TAF3: variants seen among roughly 807,000 people sequenced by gnomAD.
TAF3 encodes the protein transcription initiation factor TFIID subunit 3.
Under a neutral mutation model 80.6 loss-of-function variants are expected in TAF3, and 7 were observed. The ratio of observed to expected loss-of-function variants is 0.09; its 90% CI spans 0.05 to 0.16. The LOEUF (loss-of-function observed/expected upper bound fraction) is 0.16, where lower values mean the gene tolerates loss of function less well. TAF3 is among the 10% of genes least tolerant of loss of function. The pLI is 1.00. For synonymous variants in TAF3, 444 were observed against 446.1 expected (o/e 1.00, Z 0.06); for missense variants, 921 against 1,140.2 (o/e 0.81, Z 2.77).
At chr10:7,840,635 A>T (rs1234452259) in intron 2 of TAF3, among the ~76,000 whole-genome samples, 1 of 151,250 alleles carries the variant, frequency 6.6e-6, no homozygotes, top group African/African-American at 2.4e-5. Flanking sequence ...GTGTGAGGGG[A>T]AGACGGGAAT....
intron 4 of TAF3, among the ~76,000 whole-genome samples, chr10:8,006,224 A>AC (rs1831992222): frequency 1.4e-5 from 2 of 140,658 alleles, no homozygotes; most frequent in South Asian, 2.3e-4. Flanking sequence ...ACACACACAC[A>AC]AATTAGCTGG....
At chr10:7,903,289 T>C (rs1265627732) in intron 2 of TAF3, among the ~76,000 whole-genome samples, 1 of 152,168 alleles carries the variant, frequency 6.6e-6, no homozygotes, top group Non-Finnish European at 1.5e-5. Context: ...ATTTGACAAA[T>C]GAGAGGCCCC....
chr10:7,909,967 C>T (rs1837641579), intron 2 of TAF3, among the ~76,000 whole-genome samples: 1 of 152,146 alleles, frequency 6.6e-6, no homozygotes, highest in South Asian at 2.1e-4. Context: ...CTATGCATAT[C>T]CTCCTGTATA....
chr10:8,010,780 C>A (rs374886161), intron 5 of TAF3, among the ~76,000 whole-genome samples: 2 of 152,040 alleles, frequency 1.3e-5, no homozygotes, highest in Admixed American at 1.3e-4. Context: ...CATGGTGGCA[C>A]GTGCCTGTAA....
At chr10:7,955,402 GA>G (rs776946924) in intron 2 of TAF3, among the ~76,000 whole-genome samples, 2 of 152,204 alleles carry the variant, frequency 1.3e-5, no homozygotes, top group Admixed American at 6.5e-5. Flanking sequence ...CCAATCATAA[GA>G]AGTCTAGCTT....
At chr10:7,842,167 T>TTTTTG (rs1836924062) in intron 2 of TAF3, among the ~76,000 whole-genome samples, 1 of 94,490 alleles carries the variant, frequency 1.1e-5, no homozygotes, top group African/African-American at 3.9e-5. Flanking sequence ...TTTTTTTGTT[T>TTTTTG]TTTTTTTTGT....
chr10:7,944,915 T>G (rs2131399155), intron 2 of TAF3, among the ~76,000 whole-genome samples: 1 of 152,314 alleles, frequency 6.6e-6, no homozygotes, highest in East Asian at 1.9e-4. Flanking sequence ...TTTGTCAAGG[T>G]CATTTAGAGC....
Position 7,979,361 on chromosome 10 carries a change from T to A in TAF3, c.2315+2038T>A, listed in dbSNP as rs200924421. ...TCTGTCTCAAAAAATGAAAAAAAAA[T>A]GAAAAAAAAAAAAAAGGCATTGATA... On this transcript the variant is annotated intron_variant, in intron 4 of 6. Coordinates refer to ENST00000344293, the MANE Select transcript of TAF3 (RefSeq NM_031923.4). Among the ~76,000 whole-genome samples the A allele has an allele frequency of 7.8e-4, 56 of 71,390 alleles. 1 individual carries two copies. The South Asian group carries it at 0.018, about 23-fold the overall frequency. The allele number at this position is 71,390 out of a possible 152,430, so 46.8% of individuals were successfully genotyped here.
chr10:7,989,709 A>G (rs1038310438), intron 4 of TAF3, among the ~76,000 whole-genome samples: 13 of 152,204 alleles, frequency 8.5e-5, no homozygotes, highest in Admixed American at 7.2e-4. Context: ...AATATTTCCC[A>G]TGCTGAATCA....
chr10:7,985,200 A>G (rs767252814), intron 4 of TAF3, among the ~76,000 whole-genome samples: 22 of 152,164 alleles, frequency 1.4e-4, no homozygotes, highest in Admixed American at 3.9e-4. Flanking sequence ...CTGCCTCGCC[A>G]TGTTACCCCA....
Position 8,009,838 on chromosome 10 carries a change from C to T in TAF3, c.2568+508C>T, listed in dbSNP as rs1269638201. On this transcript the variant is annotated intron_variant, in intron 5 of 6. Transcript: ENST00000344293. The surrounding 1 kb of genome is among the most constrained non-coding windows in gnomAD (Gnocchi z 4.1). ...GTTTCACCGTGTTAGCCAGGCTGGT[C>T]TCAAACTCCTGACCTAAGGTGATCC... Among the ~76,000 whole-genome samples the T allele has an allele frequency of 6.6e-6, 1 of 151,986 alleles. No individual in the cohort carries two copies. The highest frequency in any genetic ancestry group is 2.4e-5 in the African/African-American group (1 of 41,378).
At chr10:7,974,683 A>G (rs1323237003) in intron 3 of TAF3, among the ~76,000 whole-genome samples, 1 of 152,112 alleles carries the variant, frequency 6.6e-6, no homozygotes, top group African/African-American at 2.4e-5. Context: ...GAAGTGAGAA[A>G]ACAGACAATG....
intron 4 of TAF3, among the ~76,000 whole-genome samples, chr10:7,985,679 C>T (rs375572717): frequency 1.8e-4 from 28 of 152,162 alleles, no homozygotes; most frequent in East Asian, 5.8e-4. Flanking sequence ...TGTACAAACC[C>T]GGTCTGCCGT....
At chr10:7,973,287 G>T (rs1831638120) in intron 3 of TAF3, among the ~76,000 whole-genome samples, 1 of 152,164 alleles carries the variant, frequency 6.6e-6, no homozygotes, top group African/African-American at 2.4e-5. Flanking sequence ...TTTTTTAAAG[G>T]TAGGTCAAAC....
chr10:7,827,980 A>C lies in TAF3; in HGVS notation c.409+3420A>C, dbSNP rs141425092. Among the ~76,000 whole-genome samples, 51 of 152,216 alleles carry C rather than the reference A, an allele frequency of 3.4e-4. 1 individual carries two copies. Among genetic ancestry groups the C allele is most frequent in the Middle Eastern group, 6.8e-3 (2 of 292 alleles). Reference sequence around the variant, plus strand: ...AAAAAAAATAAAACACATGACAGCGAATATTAGTTCTCGTCCCCTTTTTCT... The same window carrying C: ...AAAAAAAATAAAACACATGACAGCGCATATTAGTTCTCGTCCCCTTTTTCT... On this transcript the variant is annotated intron_variant, in intron 2 of 6. Coordinates refer to ENST00000344293, the MANE Select transcript of TAF3 (RefSeq NM_031923.4).
chr10:7,843,402 C>G (rs375399735), intron 2 of TAF3, among the ~76,000 whole-genome samples: 6 of 152,086 alleles, frequency 3.9e-5, no homozygotes, highest in East Asian at 3.9e-4. Flanking sequence ...AGCCACCGTT[C>G]CCAGCTTACA....
At chr10:7,959,048 G>A (rs1046801846) in intron 2 of TAF3, among the ~76,000 whole-genome samples, 3 of 152,018 alleles carry the variant, frequency 2.0e-5, no homozygotes, top group African/African-American at 7.2e-5. Context: ...GCTGAGGCAG[G>A]AGAATGCCGT....
At chr10:8,012,775 C>A (rs967703879) in intron 5 of TAF3, among the ~76,000 whole-genome samples, 1 of 152,156 alleles carries the variant, frequency 6.6e-6, no homozygotes, top group Admixed American at 6.5e-5. Context: ...TATGGACCCC[C>A]AATGCACCTG....
chr10:7,964,583 A>G lies in TAF3; in HGVS notation c.1073A>G (p.Gln358Arg), dbSNP rs748712030. The G allele has an allele frequency of 3.1e-6, 5 of 1,614,146 alleles. No homozygotes were observed. The highest frequency in any genetic ancestry group is 1.7e-5 in the Admixed American group (1 of 60,020). Residue 358 changes from glutamine to arginine, a missense_variant, in exon 3 of 7, where the codon CAG becomes CGG. Physicochemically the swap from Gln to Arg is conservative, Grantham distance 43. Transcript: ENST00000344293. The surrounding 1 kb of genome is among the most constrained non-coding windows in gnomAD (Gnocchi z 4.1). ...GAAAAAATCAGTAAAGAGACTATCCAGGTAAAACAAATACAGACACCCCCT... is the reference window on the plus strand; with the variant it reads ...GAAAAAATCAGTAAAGAGACTATCCGGGTAAAACAAATACAGACACCCCCT... ...LSEKISKETIQVKQIQTPPDA... is the reference protein window; with the variant it reads ...LSEKISKETIRVKQIQTPPDA...
Sources: allele counts gnomAD v4.1 joint callset (sites outside exome capture counted in the v4.1 genomes callset), GRCh38; gene constraint gnomAD v4.1.1; non-coding constraint Gnocchi (gnomAD v3.1); transcripts MANE v1.5; gene names NCBI Gene and HGNC (gene_info 2026-07-23, HGNC 2026-07-21).